ULBP3: variants seen among roughly 807,000 people sequenced by gnomAD.
The protein encoded by ULBP3 is UL16-binding protein 3.
Under a neutral mutation model 24.9 loss-of-function variants are expected in ULBP3, and 25 were observed. The observed-to-expected ratio is 1.00, with a 90% CI of 0.73 to 1.40. ULBP3 has a LOEUF of 1.40. Ranked by LOEUF, ULBP3 falls within the 40% of genes most tolerant of loss-of-function variation. The probability of loss-of-function intolerance (pLI) is 0.00; values close to 1 mark genes in which losing one functional copy is unlikely to be tolerated. For missense variants in ULBP3, 306 were observed against 307.5 expected (o/e 1.00, Z 0.04); for synonymous variants, 114 against 114.7 (o/e 0.99, Z 0.04).
At chr6:150,063,472 T>G in intron 4 of ULBP3, 121 bp from the exon 5 acceptor site, 1 of 441,480 alleles carries the variant, frequency 2.3e-6, no homozygotes, top group Non-Finnish European at 3.0e-6. Context: ...GAACATGTTT[T>G]TCCCTCCAAC....
chr6:150,067,510 C>A (rs1776364609), intron 1 of ULBP3, among the ~76,000 whole-genome samples: 1 of 152,230 alleles, frequency 6.6e-6, no homozygotes, highest in East Asian at 1.9e-4. Flanking sequence ...ACTTCTGTGT[C>A]AGGTCCAGCT....
rs769782946 is a variant in ULBP3 at position 150,065,663 on chromosome 6, C to T, written c.363G>A (p.Thr121=). Residue 121 remains threonine, a synonymous_variant, in exon 3 of 5, where the codon ACG becomes ACA. Coordinates refer to ENST00000367339, the MANE Select transcript of ULBP3 (RefSeq NM_024518.3). ...LEDFTPSGPL[T]LQVRMSCECE... ...ACTCACAAGACATCCTGACCTGCAG[C>T]GTGAGGGGTCCTGCCCCAATCAGAA... 13 of 1,614,056 alleles carry T rather than the reference C, an allele frequency of 8.1e-6. No homozygotes were observed. The highest frequency in any genetic ancestry group is 6.7e-5 in the African/African-American group (5 of 74,924).
At position 150,069,059 on chromosome 6, in the gene ULBP3, G is replaced by T. The variant is rs200912438; in HGVS notation, c.8C>A (p.Ala3Glu). 5 of 1,610,118 alleles carry T rather than the reference G, an allele frequency of 3.1e-6. No individual in the cohort carries two copies. The highest frequency in any genetic ancestry group is 4.2e-6 in the Non-Finnish European group (5 of 1,178,902). ...CGGAAGGATCGCGGGGCTGGCGGCC[G>T]CTGCCATTGTAGACCAGGAGCGCCC... MA[A>E]AASPAILPRL... is the part of the protein sequence containing the mutation. Residue 3 changes from alanine (A) to glutamate (E), a missense_variant, in exon 1 of 5, where the codon GCG becomes GAG. Ala to Glu is a moderately radical substitution (Grantham distance 107, BLOSUM62 -1). Coordinates refer to ENST00000367339, the MANE Select transcript of ULBP3 (RefSeq NM_024518.3).
chr6:150,065,955 C>A lies in ULBP3; in HGVS notation c.296G>T (p.Gly99Val), dbSNP rs1340171392. The change falls in exon 2 of 5, where the codon GGG becomes GTG. Residue 99 changes from glycine to valine, a missense_variant. Gly to Val is a moderately radical substitution (Grantham distance 109). Coordinates refer to ENST00000367339, the MANE Select transcript of ULBP3 (RefSeq NM_024518.3). Reference protein sequence around the residue: ...GKQLEMLREVGQRLRLELADT... With the variant: ...GKQLEMLREVVQRLRLELADT... ...AGCCAGTTCCAGTCTGAGCCTCTGCCCCACCTCTCTCAGCATTTCCAGTTG... is the reference window on the plus strand; with the variant it reads ...AGCCAGTTCCAGTCTGAGCCTCTGCACCACCTCTCTCAGCATTTCCAGTTG... 6.2e-7 allele frequency: 1 copy of A among 1,614,206 alleles called. No homozygotes were observed. Among genetic ancestry groups the A allele is most frequent in the Non-Finnish European group, 8.5e-7 (1 of 1,180,046 alleles).
rs769782946 is a variant in ULBP3 at position 150,065,663 on chromosome 6, C to A, written c.363G>T (p.Thr121=). The change falls in exon 3 of 5, where the codon ACG becomes ACT. Residue 121 remains threonine, a synonymous_variant. Transcript: ENST00000367339. ...ACTCACAAGACATCCTGACCTGCAGCGTGAGGGGTCCTGCCCCAATCAGAA... is the reference window on the plus strand; with the variant it reads ...ACTCACAAGACATCCTGACCTGCAGAGTGAGGGGTCCTGCCCCAATCAGAA... ...LEDFTPSGPL[T]LQVRMSCECE... The A allele has an allele frequency of 1.2e-6, 2 of 1,614,174 alleles. No individual in the cohort carries two copies. The highest frequency in any genetic ancestry group is 1.7e-6 in the Non-Finnish European group (2 of 1,179,998).
At chr6:150,063,494 C>G (rs2114789618) in intron 4 of ULBP3, 143 bp from the exon 5 acceptor site, 1 of 311,238 alleles carries the variant, frequency 3.2e-6, no homozygotes, top group East Asian at 1.7e-4. Flanking sequence ...CTACCCCTGG[C>G]TGTGCAGCCT....
At position 150,068,864 on chromosome 6, in the gene ULBP3, G is replaced by A. The variant is rs1776386596; in HGVS notation, c.88+115C>T. 1.2e-5 allele frequency: 14 copies of A among 1,133,732 alleles called. No homozygotes were observed. The South Asian group carries it at 2.5e-4, about 20-fold the overall frequency. The allele number at this position is 1,133,732 out of a possible 1,614,324, so 70.2% of individuals were successfully genotyped here. Reference sequence around the variant, plus strand: ...CGAATCGGAACTGAGCGTGGGGGCAGTCCGGGGAGATCGCGCCGGTCCTTC... The same window carrying A: ...CGAATCGGAACTGAGCGTGGGGGCAATCCGGGGAGATCGCGCCGGTCCTTC... On this transcript the variant is annotated intron_variant, in intron 1 of 4. Transcript: ENST00000367339.
rs1397618145 is a variant in ULBP3, at chr6:150,061,258, C to T, written c.*2116G>A. ...GCTCTATGTCATTTTATTTTACTTA[C>T]GAATCTTTAATTTTAACCTTTATTA... On this transcript the variant is annotated 3_prime_UTR_variant, in exon 5 of 5. Coordinates refer to ENST00000367339, the MANE Select transcript of ULBP3 (RefSeq NM_024518.3). Among the ~76,000 whole-genome samples the T allele has an allele frequency of 2.0e-5, 3 of 152,134 alleles. No homozygotes were observed. The highest frequency in any genetic ancestry group is 2.1e-4 in the South Asian group (1 of 4,824).
chr6:150,065,805 A>G, intron 2 of ULBP3, 94 bp downstream of exon 2: 1 of 1,580,084 alleles, frequency 6.3e-7, no homozygotes, highest in Non-Finnish European at 8.6e-7. Flanking sequence ...GCTGGGCTTC[A>G]TGGAGGTCCC....
intron 1 of ULBP3, among the ~76,000 whole-genome samples, chr6:150,067,167 A>T (rs939001333): frequency 2.6e-5 from 4 of 152,204 alleles, no homozygotes; most frequent in African/African-American, 2.4e-5. Context: ...ATGGATGACC[A>T]GGAGGCTGAA....
At chr6:150,066,971 T>C (rs539147219) in intron 1 of ULBP3, among the ~76,000 whole-genome samples, 34 of 152,152 alleles carry the variant, frequency 2.2e-4, no homozygotes, top group Middle Eastern at 3.4e-3. Context: ...GGCCGTCAAC[T>C]GTCAGCAGGA....
chr6:150,067,632 G>A (rs189342451), intron 1 of ULBP3, among the ~76,000 whole-genome samples: 74 of 152,256 alleles, frequency 4.9e-4, no homozygotes, highest in African/African-American at 1.3e-3. Flanking sequence ...TATAGTTTGT[G>A]CTGGTCATAT....
Position 150,069,013 on chromosome 6 carries a change from G to C in ULBP3, c.54C>G (p.Tyr18Ter), listed in dbSNP as rs72501734. 21,692 of 1,611,920 alleles carry C rather than the reference G, an allele frequency of 0.013. 947 individuals carry two copies. The Admixed American group carries it at 0.14, about 10-fold the overall frequency. The change falls in exon 1 of 5, where the codon TAC becomes TAG. Residue 18 changes from tyrosine (Y) to a stop codon, truncating the protein, a stop_gained. Transcript: ENST00000367339. LOFTEE classifies it high-confidence loss of function. The stretch of plus-strand genomic sequence containing the variant: ...CCGTCCCGGACCAGTCGAATAGCAG[G>C]TACGGAAGAATCGCGAGGCGCGGAA... ...AILPRLAILP[Y>*]LLFDWSGTGR...
chr6:150,067,126 T>G (rs928941839), intron 1 of ULBP3, among the ~76,000 whole-genome samples: 10 of 152,208 alleles, frequency 6.6e-5, no homozygotes, highest in African/African-American at 2.2e-4. Flanking sequence ...CTACTAGATT[T>G]AAATAATTAC....
In ULBP3 at chr6:150,065,672, T is replaced by C; in HGVS notation, c.354A>G (p.Gly118=). ...DTELEDFTPS[G]PLTLQVRMSC... ...ACATCCTGACCTGCAGCGTGAGGGG[T>C]CCTGCCCCAATCAGAAAGAGATCAG... Residue 118 remains glycine (G), a splice_region_variant and synonymous_variant, in exon 3 of 5, where the codon GGA becomes GGG. Transcript: ENST00000367339. 1 of 1,613,894 alleles carries C rather than the reference T, an allele frequency of 6.2e-7. No individual in the cohort carries two copies. Among genetic ancestry groups the C allele is most frequent in the Admixed American group, 1.7e-5 (1 of 60,018 alleles).
Position 150,063,271 on chromosome 6 carries a change from G to A in ULBP3, c.*103C>T. 1 of 834,772 alleles carries A rather than the reference G, an allele frequency of 1.2e-6. No individual in the cohort carries two copies. Among genetic ancestry groups the A allele is most frequent in the Middle Eastern group, 6.1e-4 (1 of 1,648 alleles). The allele number at this position is 834,772 out of a possible 1,614,324, so 51.7% of individuals were successfully genotyped here. On this transcript the variant is annotated 3_prime_UTR_variant, in exon 5 of 5. Transcript: ENST00000367339. ...CTCCTGCTTTCCAGAAAGGCACAGTGGTGAGTAGACAGGCGGCCTCCCTGA... is the reference window on the plus strand; with the variant it reads ...CTCCTGCTTTCCAGAAAGGCACAGTAGTGAGTAGACAGGCGGCCTCCCTGA...
At chr6:150,065,080 G>C (rs1776325530) in intron 3 of ULBP3, among the ~76,000 whole-genome samples, 1 of 152,158 alleles carries the variant, frequency 6.6e-6, no homozygotes, top group Non-Finnish European at 1.5e-5. Flanking sequence ...TAGGAGGAGG[G>C]AAATCTAAGG....
At position 150,065,964 on chromosome 6, in the gene ULBP3, CT is replaced by C; in HGVS notation, c.286del (p.Arg96GlufsTer74). 6.2e-7 allele frequency: 1 copy of C among 1,614,220 alleles called. No individual in the cohort carries two copies. Among genetic ancestry groups the C allele is most frequent in the South Asian group, 1.1e-5 (1 of 91,090 alleles). On this transcript the variant is annotated frameshift_variant, in exon 2 of 5. Coordinates refer to ENST00000367339, the MANE Select transcript of ULBP3 (RefSeq NM_024518.3). LOFTEE classifies it high-confidence loss of function. Reference protein sequence around the residue: ...DAWGKQLEMLREVGQRLRLEL... With the variant: ...DAWGKQLEMLXEVGQRLRLEL... ...CAGTCTGAGCCTCTGCCCCACCTCT[CT>C]CAGCATTTCCAGTTGTTTTCCCCAG...
rs1410097373 is a variant in ULBP3 at position 150,065,273 on chromosome 6, A to G, written c.628+125T>C. ...CTCACTCAAACACACACTCACACTCACACATACATAGACTCACACCCACTC... is the reference window on the plus strand; with the variant it reads ...CTCACTCAAACACACACTCACACTCGCACATACATAGACTCACACCCACTC... On this transcript the variant is annotated intron_variant, in intron 3 of 4. Transcript: ENST00000367339. 2.2e-6 allele frequency: 3 copies of G among 1,339,290 alleles called. No individual in the cohort carries two copies. The African/African-American group carries it at 4.4e-5, about 19-fold the overall frequency. The allele number at this position is 1,339,290 out of a possible 1,614,324, so 83.0% of individuals were successfully genotyped here.
Sources: allele counts gnomAD v4.1 joint callset (sites outside exome capture counted in the v4.1 genomes callset), GRCh38; gene constraint gnomAD v4.1.1; transcripts MANE v1.5; gene names NCBI Gene and HGNC (gene_info 2026-07-23, HGNC 2026-07-21).